Variants in EIF4ENIF1 observed in about 807,000 individuals in gnomAD.
The protein encoded by EIF4ENIF1 is eukaryotic translation initiation factor 4E nuclear import factor 1.
EIF4ENIF1 carries 23 observed loss-of-function variants against 110.5 expected under a neutral mutation model. The observed-to-expected ratio is 0.21, with a 90% confidence interval of 0.15 to 0.29. The LOEUF is 0.29. Ranked by LOEUF, EIF4ENIF1 falls within the 10% of genes least tolerant of loss-of-function variation. The probability of loss-of-function intolerance (pLI) is 1.00; values close to 1 mark genes in which losing one functional copy is unlikely to be tolerated. For synonymous variants in EIF4ENIF1, 440 were observed against 437.0 expected (o/e 1.01, Z -0.09); for missense variants, 1,031 against 1,221.1 (o/e 0.84, Z 2.32).
rs143605527 is a variant in EIF4ENIF1 at position 31,472,433 on chromosome 22, T to G, written c.97-516A>C. On this transcript the variant is annotated intron_variant, in intron 2 of 18. Transcript: ENST00000330125. Reference sequence around the variant, plus strand: ...ACAGGCACACGCCACCATGCCTGGCTAATTTTTGTATTTTTAGTAGAGACG... The same window carrying G: ...ACAGGCACACGCCACCATGCCTGGCGAATTTTTGTATTTTTAGTAGAGACG... Among the ~76,000 whole-genome samples the G allele has an allele frequency of 6.0e-3, 910 of 152,298 alleles. 12 individuals carry two copies. Among genetic ancestry groups the G allele is most frequent in the African/African-American group, 0.021 (857 of 41,580 alleles).
At chr22:31,466,785 T>G (rs2051205132) in intron 4 of EIF4ENIF1, among the ~76,000 whole-genome samples, 1 of 152,110 alleles carries the variant, frequency 6.6e-6, no homozygotes, top group East Asian at 1.9e-4. Context: ...TTGTGCAGGC[T>G]ATATGTAAAT....
At chr22:31,453,153 G>C (rs2050723100) in intron 10 of EIF4ENIF1, among the ~76,000 whole-genome samples, 1 of 152,118 alleles carries the variant, frequency 6.6e-6, no homozygotes, top group African/African-American at 2.4e-5. Flanking sequence ...TTTGTATCAA[G>C]AGATAGTGAT....
intron 2 of EIF4ENIF1, among the ~76,000 whole-genome samples, chr22:31,487,809 A>G (rs899315053): frequency 2.6e-4 from 39 of 151,826 alleles, no homozygotes; most frequent in Non-Finnish European, 4.3e-4. Flanking sequence ...AAAAAAAAAA[A>G]AAAAGAAAAA....
chr22:31,438,936 G>C (rs1449405867), downstream of EIF4ENIF1, among the ~76,000 whole-genome samples: 1 of 152,106 alleles, frequency 6.6e-6, no homozygotes, highest in Non-Finnish European at 1.5e-5. Flanking sequence ...TGGCTAGGAT[G>C]GTCTTGATCT....
At position 31,463,986 on chromosome 22, in the gene EIF4ENIF1, G is replaced by A. The variant is rs1569087710; in HGVS notation, c.299-19C>T. 6.2e-7 allele frequency: 1 copy of A among 1,602,326 alleles called. No individual in the cohort carries two copies. The highest frequency in any genetic ancestry group is 8.5e-7 in the Non-Finnish European group (1 of 1,176,292). ...CGTGGATCTGGAAGGACGTGGGAAA[G>A]ACAAAGTTAAACAAACCAACAAGGG... is the stretch of plus-strand genomic sequence containing the variant. On this transcript the variant is annotated intron_variant, in intron 4 of 18. Transcript: ENST00000330125.
intron 4 of EIF4ENIF1, among the ~76,000 whole-genome samples, chr22:31,465,159 A>C (rs2051141562): frequency 1.3e-5 from 2 of 151,954 alleles, no homozygotes; most frequent in Non-Finnish European, 2.9e-5. Context: ...CCTCGTCTCT[A>C]CTAAAAATAC....
intron 2 of EIF4ENIF1, among the ~76,000 whole-genome samples, chr22:31,480,254 G>A (rs1192167652): frequency 6.6e-6 from 1 of 152,140 alleles, no homozygotes; most frequent in Admixed American, 6.6e-5. Context: ...ACCTATTGGG[G>A]AATTACTAGT....
At chr22:31,472,702 C>T (rs1036263904) in intron 2 of EIF4ENIF1, among the ~76,000 whole-genome samples, 1 of 152,052 alleles carries the variant, frequency 6.6e-6, no homozygotes, top group Admixed American at 6.6e-5. Context: ...TTGATACAGA[C>T]ATTTGTATAC....
chr22:31,441,992 G>A lies in EIF4ENIF1; in HGVS notation c.2333C>T (p.Thr778Ile), dbSNP rs180755058. ...STPLSQANRY[T>I]KEQDYRPKAT... ...TTTAGGTCGATAATCTTGTTCTTTG[G>A]TGTAACGGTTGGCCTGGGACAGTGG... Residue 778 changes from threonine to isoleucine, a missense_variant, in exon 17 of 19, where the codon ACC becomes ATC. Physicochemically the swap from Thr to Ile is moderately conservative, Grantham distance 89. Around this residue, in one of 3 missense-constraint regions of EIF4ENIF1, gnomAD observed 309 missense variants for 299.1 expected, o/e 1.03. Coordinates refer to ENST00000330125, the MANE Select transcript of EIF4ENIF1 (RefSeq NM_019843.4). 7 of 1,614,166 alleles carry A rather than the reference G, an allele frequency of 4.3e-6. No homozygotes were observed. The East Asian group carries it at 8.9e-5, about 21-fold the overall frequency.
intron 15 of EIF4ENIF1, 43 bp from the exon 16 acceptor site, chr22:31,443,137 C>T (rs201276469): frequency 2.4e-5 from 38 of 1,605,196 alleles, no homozygotes; most frequent in South Asian, 2.2e-4. Context: ...CTCTAAGTGC[C>T]GTTCTCTAAT....
At chr22:31,450,531 A>C (rs952407109) in intron 10 of EIF4ENIF1, 171 bp from the exon 11 acceptor site, 2 of 504,958 alleles carry the variant, frequency 4.0e-6, no homozygotes, top group Non-Finnish European at 7.3e-6. Flanking sequence ...ACAGGTCTCA[A>C]AGATCTGGGG....
At chr22:31,486,956 C>T (rs541811521) in intron 2 of EIF4ENIF1, among the ~76,000 whole-genome samples, 91 of 151,246 alleles carry the variant, frequency 6.0e-4, no homozygotes, top group African/African-American at 2.2e-3. Flanking sequence ...CATGTTGACG[C>T]GTGCCTGTAA....
intron 16 of EIF4ENIF1, among the ~76,000 whole-genome samples, chr22:31,442,663 A>C (rs1201607614): frequency 6.6e-6 from 1 of 152,252 alleles, no homozygotes; most frequent in Non-Finnish European, 1.5e-5. Flanking sequence ...AATTTGCCAA[A>C]TAAGTATACT....
At chr22:31,441,321 T>TAA (rs1051933014) in intron 17 of EIF4ENIF1, among the ~76,000 whole-genome samples, 2 of 152,000 alleles carry the variant, frequency 1.3e-5, no homozygotes, top group African/African-American at 4.8e-5. Context: ...GTGGACTGCC[T>TAA]AAACTTAGGA....
intron 2 of EIF4ENIF1, among the ~76,000 whole-genome samples, chr22:31,472,594 T>C (rs1166385135): frequency 2.6e-5 from 4 of 152,130 alleles, no homozygotes; most frequent in Non-Finnish European, 5.9e-5. Context: ...AAATGTAATG[T>C]TGCAAGACTG....
intron 2 of EIF4ENIF1, among the ~76,000 whole-genome samples, chr22:31,486,216 G>A (rs1601661963): frequency 2.0e-5 from 3 of 151,902 alleles, no homozygotes; most frequent in East Asian, 3.9e-4. Context: ...ACTGCAGTGA[G>A]CCGAGATAGC....
At chr22:31,460,114 A>C (rs563057269) in intron 6 of EIF4ENIF1, among the ~76,000 whole-genome samples, 1 of 152,364 alleles carries the variant, frequency 6.6e-6, no homozygotes, top group East Asian at 1.9e-4. Flanking sequence ...TTAATAGCAA[A>C]GTCTTCCAAG....
At chr22:31,477,365 A>C (rs1156491528) in intron 2 of EIF4ENIF1, among the ~76,000 whole-genome samples, 4 of 139,878 alleles carry the variant, frequency 2.9e-5, no homozygotes, top group African/African-American at 1.1e-4. Flanking sequence ...TCCAAAAAAA[A>C]AAAAAAAAAC....
chr22:31,477,165 A>T (rs1405890772), intron 2 of EIF4ENIF1, among the ~76,000 whole-genome samples: 1 of 151,822 alleles, frequency 6.6e-6, no homozygotes, highest in East Asian at 1.9e-4. Flanking sequence ...GGAGTTCAAG[A>T]CCAGCATGGC....
Sources: allele counts gnomAD v4.1 joint callset (sites outside exome capture counted in the v4.1 genomes callset), GRCh38; gene constraint gnomAD v4.1.1; regional missense constraint gnomAD v4.1.1; transcripts MANE v1.5; gene names NCBI Gene and HGNC (gene_info 2026-07-23, HGNC 2026-07-21).